PLA2G2C: variants seen among roughly 807,000 people sequenced by gnomAD.
The protein encoded by PLA2G2C is putative inactive group IIC secretory phospholipase A2.
In PLA2G2C, 15 loss-of-function variants were observed where a neutral mutation model predicts 14.3. The ratio of observed to expected loss-of-function variants is 1.05; its 90% CI spans 0.70 to 1.62. PLA2G2C has a LOEUF of 1.62. Among genes scored for constraint, PLA2G2C ranks in the 40% most tolerant of loss-of-function variants. The pLI is 0.00. For missense variants in PLA2G2C, 162 were observed against 173.2 expected, an observed-to-expected ratio of 0.94 and a Z score of 0.36; for synonymous variants, 79 against 67.7, an observed-to-expected ratio of 1.17 and a Z score of -0.82.
chr1:20,177,161 A>AAAC (rs1176413269), intron 2 of PLA2G2C, among the ~76,000 whole-genome samples, 163 bp downstream of exon 2: 3 of 152,142 alleles, frequency 2.0e-5, no homozygotes, highest in African/African-American at 7.2e-5. Context: ...TTTATAGCAG[A>AAAC]AACAGAAGCA....
intron 4 of PLA2G2C, among the ~76,000 whole-genome samples, chr1:20,168,212 G>A (rs1288997336): frequency 6.6e-6 from 1 of 152,208 alleles, no homozygotes; most frequent in Admixed American, 6.5e-5. Flanking sequence ...CTCCAAGCCT[G>A]TTTCCTCAGC....
At chr1:20,164,565 T>C (rs1011775426) in intron 4 of PLA2G2C, among the ~76,000 whole-genome samples, 67 of 152,186 alleles carry the variant, frequency 4.4e-4, no homozygotes, top group African/African-American at 1.5e-3. Context: ...TGGAGGGCCC[T>C]GAATGGGTGC....
At chr1:20,178,389 T>C (rs1429861313) in intron 1 of PLA2G2C, among the ~76,000 whole-genome samples, 4 of 152,152 alleles carry the variant, frequency 2.6e-5, no homozygotes, top group Non-Finnish European at 5.9e-5. Flanking sequence ...TGGGCTAGAT[T>C]TACACCTGGT....
chr1:20,165,118 C>T (rs975936779), intron 4 of PLA2G2C, among the ~76,000 whole-genome samples: 66 of 152,232 alleles, frequency 4.3e-4, no homozygotes, highest in African/African-American at 1.5e-3. Flanking sequence ...CCTCCCCCTC[C>T]ACTCTCCCAG....
intron 4 of PLA2G2C, among the ~76,000 whole-genome samples, chr1:20,170,488 A>AC (rs2018052527): frequency 1.3e-5 from 2 of 152,138 alleles, no homozygotes; most frequent in Non-Finnish European, 2.9e-5. Context: ...CTGGCACAGC[A>AC]CCGGCACTGG....
At chr1:20,179,368 G>A (rs2018240180) in intron 1 of PLA2G2C, among the ~76,000 whole-genome samples, 1 of 151,842 alleles carries the variant, frequency 6.6e-6, no homozygotes, top group African/African-American at 2.4e-5. Context: ...GCGTGTGTGT[G>A]TCAGCTTCTA....
At chr1:20,168,607 G>C (rs1192948848) in intron 4 of PLA2G2C, among the ~76,000 whole-genome samples, 4 of 152,250 alleles carry the variant, frequency 2.6e-5, no homozygotes, top group Non-Finnish European at 5.9e-5. Flanking sequence ...CAGTAAATGA[G>C]AAAAGTCTTT....
chr1:20,171,712 G>A lies in PLA2G2C; in HGVS notation c.283+1082C>T, dbSNP rs527538629. ...AGGAAAGTGATTCATGCAACCCCAC[G>A]AGGCCAGGCAGGAAGTGAGCCACAC... On this transcript the variant is annotated intron_variant, in intron 4 of 4. Coordinates refer to ENST00000679259, the MANE Select transcript of PLA2G2C (RefSeq NM_001367969.2). Among the ~76,000 whole-genome samples the A allele has an allele frequency of 1.3e-4, 19 of 151,908 alleles. 1 individual carries two copies. The South Asian group carries it at 4.0e-3, about 32-fold the overall frequency.
At chr1:20,165,731 T>G (rs1384716362) in intron 4 of PLA2G2C, among the ~76,000 whole-genome samples, 1 of 112,728 alleles carries the variant, frequency 8.9e-6, no homozygotes, top group African/African-American at 3.1e-5. Context: ...TGTGTATGCT[T>G]GTGTGTGCAG....
intron 2 of PLA2G2C, 88 bp from the exon 3 acceptor site, chr1:20,175,233 G>A (rs765392488): frequency 5.7e-6 from 9 of 1,585,888 alleles, no homozygotes; most frequent in Non-Finnish European, 7.7e-6. Flanking sequence ...CTAGAGTGCT[G>A]AGCATTCGAA....
intron 1 of PLA2G2C, among the ~76,000 whole-genome samples, chr1:20,183,914 T>C (rs2018317988): frequency 6.6e-6 from 1 of 152,164 alleles, no homozygotes; most frequent in Non-Finnish European, 1.5e-5. Flanking sequence ...CCTCTGCCCA[T>C]GTTTACTGAG....
intron 1 of PLA2G2C, among the ~76,000 whole-genome samples, chr1:20,181,693 T>A (rs1490404651): frequency 2.0e-5 from 3 of 151,676 alleles, no homozygotes; most frequent in Non-Finnish European, 2.9e-5. Context: ...AGGAATGGAG[T>A]CAGAGCAGCT....
At position 20,178,753 on chromosome 1, in the gene PLA2G2C, T is replaced by C. The variant is rs143403861; in HGVS notation, c.-76-1314A>G. ...GTGCATTACTGGTCATGAAATCCGA[T>C]AGACTCTTATTAAGCACCAACTATG... On this transcript the variant is annotated intron_variant, in intron 1 of 4. Coordinates refer to ENST00000679259, the MANE Select transcript of PLA2G2C (RefSeq NM_001367969.2). 3.4e-3 allele frequency among the ~76,000 whole-genome samples: 522 copies of C among 152,338 alleles called. 3 individuals are homozygous for C. Among genetic ancestry groups the C allele is most frequent in the African/African-American group, 0.012 (487 of 41,574 alleles).
chr1:20,176,868 G>A (rs1442973687), intron 2 of PLA2G2C, among the ~76,000 whole-genome samples: 4 of 152,070 alleles, frequency 2.6e-5, no homozygotes, highest in South Asian at 4.2e-4. Context: ...GTAAGCAATC[G>A]GATCTCCCGG....
At chr1:20,181,353 TCTC>T (rs1336249682) in intron 1 of PLA2G2C, among the ~76,000 whole-genome samples, 8 of 152,032 alleles carry the variant, frequency 5.3e-5, no homozygotes, top group Admixed American at 2.0e-4. Context: ...GAATTAGGAT[TCTC>T]CTTGAATCCT....
chr1:20,173,088 C>G (rs956151496), intron 3 of PLA2G2C, among the ~76,000 whole-genome samples, 191 bp from the exon 4 acceptor site: 1 of 151,432 alleles, frequency 6.6e-6, no homozygotes, highest in Admixed American at 6.6e-5. Flanking sequence ...GCAGGAGGAT[C>G]GCTTCAGTCC....
chr1:20,171,822 C>A (rs897633804), intron 4 of PLA2G2C, among the ~76,000 whole-genome samples: 1 of 137,438 alleles, frequency 7.3e-6, no homozygotes, highest in Non-Finnish European at 1.5e-5. Flanking sequence ...AGTGCAGTGG[C>A]GCAATCTCGG....
intron 4 of PLA2G2C, among the ~76,000 whole-genome samples, chr1:20,170,057 G>T (rs1225455480): frequency 6.6e-6 from 1 of 152,222 alleles, no homozygotes; most frequent in East Asian, 1.9e-4. Flanking sequence ...TGGCTGTGTG[G>T]CCTTGGCCAT....
At chr1:20,175,613 TAC>T (rs1477144991) in intron 2 of PLA2G2C, among the ~76,000 whole-genome samples, 4 of 152,178 alleles carry the variant, frequency 2.6e-5, no homozygotes, top group African/African-American at 9.7e-5. Flanking sequence ...AAATGACAAG[TAC>T]ACATGAACTC....
Sources: allele counts gnomAD v4.1 joint callset (sites outside exome capture counted in the v4.1 genomes callset), GRCh38; gene constraint gnomAD v4.1.1; transcripts MANE v1.5; gene names NCBI Gene and HGNC (gene_info 2026-07-23, HGNC 2026-07-21).